The following ZNF487 variants were observed in gnomAD, a reference collection of about 807,000 sequenced individuals.
The protein encoded by ZNF487 is zinc finger protein 487, also known as KRAB domain only 1.
In ZNF487, 4 loss-of-function variants were observed where a neutral mutation model predicts 3.0. The observed-to-expected ratio is 1.35, with a 90% CI of 0.66 to 3.08. ZNF487 has a LOEUF of 3.08. ZNF487 is among the 30% of genes most tolerant of loss of function. The pLI is 0.01. For missense variants in ZNF487, 146 were observed against 98.7 expected, an observed-to-expected ratio of 1.48 and a Z score of -2.03; for synonymous variants, 55 against 34.6, an observed-to-expected ratio of 1.59 and a Z score of -2.06.
At chr10:43,478,890 G>T (rs1334975075) in intron 3 of ZNF487, among the ~76,000 whole-genome samples, 2 of 150,796 alleles carry the variant, frequency 1.3e-5, no homozygotes, top group African/African-American at 2.4e-5. Context: ...TATTTTTGAT[G>T]CAGTTCTTTT....
At chr10:43,450,280 T>C (rs1331453865) in intron 1 of ZNF487, among the ~76,000 whole-genome samples, 1 of 152,100 alleles carries the variant, frequency 6.6e-6, no homozygotes, top group Non-Finnish European at 1.5e-5. Flanking sequence ...ACTCCCAACC[T>C]CAGGTGATCC....
intron 1 of ZNF487, among the ~76,000 whole-genome samples, chr10:43,458,706 G>A (rs1589033770): frequency 6.6e-6 from 1 of 152,052 alleles, no homozygotes; most frequent in Non-Finnish European, 1.5e-5. Context: ...GTCTTTCAGT[G>A]AGTACCAGAA....
At chr10:43,441,289 G>C (rs1437699677) in intron 1 of ZNF487, among the ~76,000 whole-genome samples, 3 of 149,888 alleles carry the variant, frequency 2.0e-5, no homozygotes, top group Non-Finnish European at 4.4e-5. Flanking sequence ...TTTTTGAGAC[G>C]GAGTCTCACT....
At chr10:43,448,071 G>A (rs1199937210) in intron 1 of ZNF487, among the ~76,000 whole-genome samples, 2 of 135,482 alleles carry the variant, frequency 1.5e-5, no homozygotes, top group African/African-American at 2.7e-5. Context: ...CTTACTGCAA[G>A]TTCCACCTCC....
At chr10:43,498,113 T>A in the ZNF487 span, among the ~76,000 whole-genome samples, 8 of 9,320 alleles carry the variant, frequency 8.6e-4, no homozygotes, top group East Asian at 6.3e-3. Context: ...TTTTTTTTTT[T>A]CTTTTTTTTT....
chr10:43,472,224 C>T (rs187607267), intron 1 of ZNF487, among the ~76,000 whole-genome samples: 1 of 152,146 alleles, frequency 6.6e-6, no homozygotes, highest in Non-Finnish European at 1.5e-5. Flanking sequence ...TAACTGTCCA[C>T]TCTGCATCTC....
Position 43,473,731 on chromosome 10 carries a change from G to C in ZNF487, c.-93-1990G>C, listed in dbSNP as rs75709049. On this transcript the variant is annotated intron_variant, in intron 1 of 3. Coordinates refer to ENST00000437590, the MANE Select transcript of ZNF487 (RefSeq NM_001355444.3). ...GCCACCTTTTATAAAAGCAACTTAA[G>C]TACAACAGCCAGGCTGGGCAAGGTG... is the stretch of plus-strand genomic sequence containing the variant. 6.1e-3 allele frequency among the ~76,000 whole-genome samples: 925 copies of C among 151,840 alleles called. 9 individuals carry two copies. The highest frequency in any genetic ancestry group is 0.018 in the African/African-American group (733 of 41,378).
the ZNF487 span, among the ~76,000 whole-genome samples, chr10:43,504,730 T>C: frequency 1.3e-5 from 2 of 151,770 alleles, no homozygotes; most frequent in Non-Finnish European, 2.9e-5. Context: ...GTTGTTTTTT[T>C]TTTGGAGACA....
At chr10:43,480,026 T>TCTTTCTTC (rs1564428856) in intron 3 of ZNF487, among the ~76,000 whole-genome samples, 1 of 71,952 alleles carries the variant, frequency 1.4e-5, no homozygotes, top group African/African-American at 3.3e-5. Context: ...TTTCTTTCTT[T>TCTTTCTTC]CTTTCTTTCT....
At chr10:43,480,038 T>C (rs1417287250) in intron 3 of ZNF487, among the ~76,000 whole-genome samples, 2 of 50,206 alleles carry the variant, frequency 4.0e-5, no homozygotes, top group Non-Finnish European at 1.3e-4. Context: ...TTTCTTTCTT[T>C]CTTTCTTTTT....
rs777447154 is a variant in ZNF487, at chr10:43,437,215, C to T, written c.-141C>T. ...GGTTCCTCCCTCCTCCGAGAGACCG[C>T]CGAGGTGCGGGCTGTGAGAGGGGGA... On this transcript the variant is annotated 5_prime_UTR_variant, in exon 1 of 4. Transcript: ENST00000437590. 1 of 246,104 alleles carries T rather than the reference C, an allele frequency of 4.1e-6. No individual in the cohort carries two copies. Among genetic ancestry groups the T allele is most frequent in the Non-Finnish European group, 8.2e-6 (1 of 121,598 alleles). The allele number at this position is 246,104 out of a possible 1,614,324, so 15.2% of individuals were successfully genotyped here. A position where few individuals can be genotyped will look rare whatever the true frequency, so the allele number is the denominator to read the frequency against.
chr10:43,485,509 T>G (rs1462651209), downstream of ZNF487, among the ~76,000 whole-genome samples: 1 of 152,234 alleles, frequency 6.6e-6, no homozygotes. Context: ...GTATGGGCGA[T>G]GAAGTGTACA....
At chr10:43,475,378 G>A (rs897899418) in intron 1 of ZNF487, among the ~76,000 whole-genome samples, 1 of 152,124 alleles carries the variant, frequency 6.6e-6, no homozygotes, top group African/African-American at 2.4e-5. Flanking sequence ...AGCTGGGTGT[G>A]GTGGTGCGTG....
chr10:43,447,010 G>C (rs542783449), intron 1 of ZNF487, among the ~76,000 whole-genome samples: 2 of 151,962 alleles, frequency 1.3e-5, no homozygotes, highest in Admixed American at 6.6e-5. Context: ...TGGCCAACAC[G>C]GCGAAACCCC....
At chr10:43,493,709 A>AAAAAAAAAAAAAAATAAATATATAT in the ZNF487 span, among the ~76,000 whole-genome samples, 1 of 43,720 alleles carries the variant, frequency 2.3e-5, no homozygotes, top group African/African-American at 8.7e-5. Flanking sequence ...AAAAAAAAAA[A>AAAAAAAAAAAAAAATAAATATATAT]ATATATATAT....
the ZNF487 span, among the ~76,000 whole-genome samples, chr10:43,517,761 G>A: frequency 7.2e-4 from 110 of 152,264 alleles, no homozygotes; most frequent in Middle Eastern, 6.8e-3. Flanking sequence ...AGCCACACCC[G>A]AGCCCTCTGG....
In ZNF487 at chr10:43,475,601, C is replaced by T. The variant is rs529452374; in HGVS notation, c.-93-120C>T. On this transcript the variant is annotated intron_variant, in intron 1 of 3. Coordinates refer to ENST00000437590, the MANE Select transcript of ZNF487 (RefSeq NM_001355444.3). ...AATGTATAATATCAATAGTAGGCATCCTATGTAGCATTTTCTCTTCAACTA... is the reference window on the plus strand; with the variant it reads ...AATGTATAATATCAATAGTAGGCATTCTATGTAGCATTTTCTCTTCAACTA... The T allele has an allele frequency of 1.0e-5, 7 of 684,038 alleles. No individual in the cohort carries two copies. In the African/African-American group the frequency reaches 1.1e-4, roughly 10 times the overall value. 42.4% of individuals were successfully genotyped at this position (684,038 alleles called of 1,614,324 possible). A position where few individuals can be genotyped will look rare whatever the true frequency, so the allele number is the denominator to read the frequency against.
In ZNF487 at chr10:43,448,758, A is replaced by G. The variant is rs1217399960; in HGVS notation, c.-94+11496A>G. 2.6e-5 allele frequency among the ~76,000 whole-genome samples: 4 copies of G among 152,112 alleles called. No individual in the cohort carries two copies. In the East Asian group the frequency reaches 5.8e-4, roughly 22 times the overall value. On this transcript the variant is annotated intron_variant, in intron 1 of 3. Coordinates refer to ENST00000437590, the MANE Select transcript of ZNF487 (RefSeq NM_001355444.3). ...CTTGAACCTTGGAGATGGAGGTTGC[A>G]GTGAGCCAAGATCTTGCCACTGTAC...
chr10:43,449,901 AACTCCTG>A (rs1839946786), intron 1 of ZNF487, among the ~76,000 whole-genome samples: 1 of 152,094 alleles, frequency 6.6e-6, no homozygotes, highest in African/African-American at 2.4e-5. Flanking sequence ...GCTGGTCTCG[AACTCCTG>A]ACCTCAGGTG....
Sources: gnomAD v4.1 joint callset for allele counts (sites outside exome capture counted in the v4.1 genomes callset) on GRCh38, gnomAD v4.1.1 for gene constraint, MANE v1.5 for transcripts, NCBI Gene and HGNC (gene_info 2026-07-23, HGNC 2026-07-21) for gene names.